NRG3: variants seen among roughly 807,000 people sequenced by gnomAD.
NRG3 encodes the protein neuregulin 3, also known as pro-neuregulin-3, membrane-bound isoform.
NRG3 carries 31 observed loss-of-function variants against 66.9 expected under a neutral mutation model. The ratio of observed to expected loss-of-function variants is 0.46; its 90% CI spans 0.35 to 0.63. The LOEUF is 0.63. NRG3 is among the 20% of genes least tolerant of loss of function. The pLI is 0.00. For missense variants in NRG3, 910 were observed against 878.9 expected, an observed-to-expected ratio of 1.04 and a Z score of -0.45; for synonymous variants, 393 against 359.4, an observed-to-expected ratio of 1.09 and a Z score of -1.06.
intron 1 of NRG3, among the ~76,000 whole-genome samples, chr10:82,169,441 T>G (rs559813402): frequency 1.3e-5 from 2 of 151,838 alleles, no homozygotes; most frequent in East Asian, 3.8e-4. Flanking sequence ...TTTGTAACTT[T>G]GTATCTTTTG....
At chr10:82,270,375 T>G (rs578032057) in intron 1 of NRG3, among the ~76,000 whole-genome samples, 1 of 152,268 alleles carries the variant, frequency 6.6e-6, no homozygotes, top group East Asian at 1.9e-4. Flanking sequence ...AATAGGTCCC[T>G]TCCTTGCTTA....
In NRG3 at chr10:82,215,316, T is replaced by A. The variant is rs576261826; in HGVS notation, c.824-143423T>A. ...GCTTTTATAAGTAATATTTTGATTT[T>A]AAATTATTTAAAATATTCAGATGCT... is the stretch of plus-strand genomic sequence containing the variant. On this transcript the variant is annotated intron_variant, in intron 1 of 8. Coordinates refer to ENST00000372141, the MANE Select transcript of NRG3 (RefSeq NM_001010848.4). 3.3e-4 allele frequency among the ~76,000 whole-genome samples: 51 copies of A among 152,330 alleles called. 1 individual carries two copies. The highest frequency in any genetic ancestry group is 2.7e-3 in the Admixed American group (41 of 15,298).
intron 1 of NRG3, among the ~76,000 whole-genome samples, chr10:82,122,336 G>A (rs952182105): frequency 1.3e-5 from 2 of 152,036 alleles, no homozygotes; most frequent in Non-Finnish European, 2.9e-5. Context: ...TTGGCATTTG[G>A]TTTGCTGCTG....
intron 1 of NRG3, among the ~76,000 whole-genome samples, chr10:82,087,182 A>G (rs1214735256): frequency 6.6e-6 from 1 of 152,158 alleles, no homozygotes; most frequent in Non-Finnish European, 1.5e-5. Context: ...TGGTTTTATG[A>G]GAAAGTAATG....
At chr10:81,921,376 A>C (rs1345755386) in intron 1 of NRG3, among the ~76,000 whole-genome samples, 1 of 152,102 alleles carries the variant, frequency 6.6e-6, no homozygotes, top group South Asian at 2.1e-4. Flanking sequence ...TGTATTAATA[A>C]TAGTAACTCC....
At chr10:82,311,283 C>T (rs758971605) in intron 1 of NRG3, among the ~76,000 whole-genome samples, 11 of 152,142 alleles carry the variant, frequency 7.2e-5, no homozygotes, top group Non-Finnish European at 1.3e-4. Context: ...TCTTTTATTT[C>T]TATTAAATGT....
At chr10:82,817,359 G>A (rs927954541) in intron 3 of NRG3, among the ~76,000 whole-genome samples, 5 of 152,174 alleles carry the variant, frequency 3.3e-5, no homozygotes, top group African/African-American at 1.2e-4. Context: ...GCCTGAGCTA[G>A]GACTACAAAC....
chr10:82,541,797 A>G (rs1377283777), intron 2 of NRG3, among the ~76,000 whole-genome samples: 1 of 152,212 alleles, frequency 6.6e-6, no homozygotes, highest in African/African-American at 2.4e-5. Context: ...CGCTCTGTCC[A>G]CTAAAGAGGG....
chr10:82,119,599 C>A (rs767418617), intron 1 of NRG3, among the ~76,000 whole-genome samples: 4 of 152,236 alleles, frequency 2.6e-5, no homozygotes, highest in Non-Finnish European at 5.9e-5. Flanking sequence ...TGGCTACTCA[C>A]TACCTAGAAA....
intron 1 of NRG3, among the ~76,000 whole-genome samples, chr10:82,249,781 T>A (rs2077401448): frequency 6.6e-6 from 1 of 152,226 alleles, no homozygotes; most frequent in Admixed American, 6.5e-5. Context: ...GCTTTTGCAA[T>A]ACATTCTTTC....
In NRG3 at chr10:82,761,868, CT is replaced by C. The variant is rs201439385; in HGVS notation, c.1027+23225del. The stretch of plus-strand genomic sequence containing the variant: ...TATAAATTGTATTTTTTTCTTTTTC[CT>C]TTTTTTCTTCTTTCTTCCTTTCTTC... On this transcript the variant is annotated intron_variant, in intron 3 of 8. Coordinates refer to ENST00000372141, the MANE Select transcript of NRG3 (RefSeq NM_001010848.4). Among the ~76,000 whole-genome samples, 502 of 150,832 alleles carry C rather than the reference CT, an allele frequency of 3.3e-3. 5 individuals carry two copies. The highest frequency in any genetic ancestry group is 0.011 in the African/African-American group (458 of 41,258).
intron 3 of NRG3, among the ~76,000 whole-genome samples, chr10:82,739,016 A>G (rs938880439): frequency 2.0e-5 from 3 of 152,254 alleles, no homozygotes; most frequent in African/African-American, 7.2e-5. Context: ...CTACAGTATT[A>G]TACCGCTTCT....
intron 1 of NRG3, among the ~76,000 whole-genome samples, chr10:82,146,973 G>A (rs1429645130): frequency 2.6e-5 from 4 of 152,120 alleles, no homozygotes; most frequent in African/African-American, 9.7e-5. Context: ...GCTACAGCTC[G>A]GTGGGAGTTC....
intron 1 of NRG3, among the ~76,000 whole-genome samples, chr10:82,170,435 A>G (rs1029238143): frequency 2.0e-5 from 3 of 151,680 alleles, no homozygotes; most frequent in Non-Finnish European, 4.4e-5. Flanking sequence ...GTACCTCTGT[A>G]TTCCCTTGAA....
intron 1 of NRG3, among the ~76,000 whole-genome samples, chr10:81,888,691 G>A (rs1842797309): frequency 6.6e-6 from 1 of 152,152 alleles, no homozygotes; most frequent in Non-Finnish European, 1.5e-5. Context: ...TGAGGGTTCT[G>A]ACCTGGTAGA....
At chr10:81,878,308 A>C (rs1350186891) in intron 1 of NRG3, among the ~76,000 whole-genome samples, 2 of 152,302 alleles carry the variant, frequency 1.3e-5, no homozygotes, top group East Asian at 3.9e-4. Flanking sequence ...AAACCTTTAC[A>C]AGAAGTTGAA....
At chr10:82,699,848 A>G (rs2134277997) in intron 2 of NRG3, among the ~76,000 whole-genome samples, 1 of 141,742 alleles carries the variant, frequency 7.1e-6, no homozygotes, top group African/African-American at 2.9e-5. Flanking sequence ...TTGTGCATAT[A>G]TGGATGATCT....
intron 2 of NRG3, among the ~76,000 whole-genome samples, chr10:82,678,661 G>A (rs551218664): frequency 5.3e-5 from 8 of 152,166 alleles, no homozygotes; most frequent in South Asian, 2.1e-4. Flanking sequence ...CCCGACGGTC[G>A]CCTGACATTC....
chr10:82,618,756 AT>A (rs2048834509), intron 2 of NRG3, among the ~76,000 whole-genome samples: 2 of 151,964 alleles, frequency 1.3e-5, no homozygotes, highest in South Asian at 4.1e-4. Flanking sequence ...TTAAACCCCC[AT>A]TTTCTGAAAA....
Sources: gnomAD v4.1 joint callset for allele counts (sites outside exome capture counted in the v4.1 genomes callset) on GRCh38, gnomAD v4.1.1 for gene constraint, MANE v1.5 for transcripts, NCBI Gene and HGNC (gene_info 2026-07-23, HGNC 2026-07-21) for gene names.